FBRSL1: variants seen among roughly 807,000 people sequenced by gnomAD.
FBRSL1 encodes the protein fibrosin-1-like protein.
Under a neutral mutation model 89.6 loss-of-function variants are expected in FBRSL1, and 51 were observed. That is an observed-to-expected ratio of 0.57 (90% CI 0.45 to 0.72). The LOEUF is 0.72. Among genes scored for constraint, FBRSL1 ranks in the 30% least tolerant of loss-of-function variants. The pLI is 0.00. For synonymous variants in FBRSL1, 779 were observed against 681.1 expected (o/e 1.14, Z -2.24); for missense variants, 1,618 against 1,451.8 (o/e 1.11, Z -1.86).
Position 132,581,724 on chromosome 12 carries a change from C to T in FBRSL1, c.1913-17C>T, listed in dbSNP as rs1314238993. 1.7e-5 allele frequency: 26 copies of T among 1,549,638 alleles called. No homozygotes were observed. The highest frequency in any genetic ancestry group is 4.9e-5 in the East Asian group (2 of 40,914). ...CCACGCCTCACAGACCTCTGGGTCC[C>T]GCGGTTGCCCCCACAGACCCTTTCA... On this transcript the variant is annotated splice_polypyrimidine_tract_variant and intron_variant, in intron 16 of 18. Transcript: ENST00000680143.
At chr12:132,493,513 C>G (rs2031464570) in intron 1 of FBRSL1, among the ~76,000 whole-genome samples, 1 of 152,190 alleles carries the variant, frequency 6.6e-6, no homozygotes, top group Non-Finnish European at 1.5e-5. Flanking sequence ...AGCCCTGGCC[C>G]CTGGGGCAGA....
chr12:132,577,289 G>A (rs973124681), intron 15 of FBRSL1, among the ~76,000 whole-genome samples: 32 of 152,230 alleles, frequency 2.1e-4, no homozygotes, highest in African/African-American at 7.5e-4. Flanking sequence ...CCTCCCTGGG[G>A]CTCCCTGTTC....
intron 2 of FBRSL1, among the ~76,000 whole-genome samples, chr12:132,524,716 G>A (rs929908763): frequency 2.6e-5 from 4 of 152,240 alleles, no homozygotes; most frequent in Non-Finnish European, 4.4e-5. Flanking sequence ...TGGCCAGAGA[G>A]GGAGACCGCT....
intron 4 of FBRSL1, among the ~76,000 whole-genome samples, chr12:132,536,443 TGTGA>T (rs2036752020): frequency 6.7e-6 from 1 of 150,240 alleles, no homozygotes; most frequent in Non-Finnish European, 1.5e-5. Flanking sequence ...TGTACATGAC[TGTGA>T]GTGCATGTGT....
intron 16 of FBRSL1, 97 bp downstream of exon 16, chr12:132,581,613 A>G (rs2040754557): frequency 6.7e-7 from 1 of 1,496,122 alleles, no homozygotes; most frequent in Non-Finnish European, 9.1e-7. Context: ...CCCGAGCCCC[A>G]GGGAGCCCCT....
At chr12:132,560,816 C>T (rs1470671167) in intron 5 of FBRSL1, among the ~76,000 whole-genome samples, 1 of 152,244 alleles carries the variant, frequency 6.6e-6, no homozygotes, top group Non-Finnish European at 1.5e-5. Flanking sequence ...TGATCCTCTA[C>T]CCCACGCGGG....
At chr12:132,517,227 A>G (rs1201577655) in intron 2 of FBRSL1, among the ~76,000 whole-genome samples, 1 of 152,122 alleles carries the variant, frequency 6.6e-6, no homozygotes, top group Admixed American at 6.5e-5. Flanking sequence ...GGGCCCTCCT[A>G]CAAACCAAGA....
At chr12:132,522,387 C>T (rs1213093288) in intron 2 of FBRSL1, among the ~76,000 whole-genome samples, 1 of 151,586 alleles carries the variant, frequency 6.6e-6, no homozygotes, top group African/African-American at 2.4e-5. Flanking sequence ...GGGGAGGGGA[C>T]CTTGGGGGAG....
At chr12:132,548,109 C>T (rs1301433355) in intron 5 of FBRSL1, 77 bp downstream of exon 5, 92 of 1,499,650 alleles carry the variant, frequency 6.1e-5, no homozygotes, top group Non-Finnish European at 8.3e-5. Flanking sequence ...GTGAGGTGGG[C>T]CCTGGAGACC....
Position 132,499,704 on chromosome 12 carries a change from C to CT in FBRSL1, c.292-8448dup, listed in dbSNP as rs891723496. On this transcript the variant is annotated intron_variant, in intron 1 of 18. Coordinates refer to ENST00000680143, the MANE Select transcript of FBRSL1 (RefSeq NM_001367871.1). The surrounding 1 kb of genome is among the most constrained non-coding windows in gnomAD (Gnocchi z 4.3). ...GGCTGGAGACAGCTGGGGGCTGTGG[C>CT]TGGGGGGCTGCAGGGCTGGGGGGTG... Among the ~76,000 whole-genome samples, 1 of 147,492 alleles carries CT rather than the reference C, an allele frequency of 6.8e-6. No homozygotes were observed. Among genetic ancestry groups the CT allele is most frequent in the African/African-American group, 2.5e-5 (1 of 39,456 alleles).
At chr12:132,551,536 C>T (rs946964711) in intron 5 of FBRSL1, 1 of 456,326 alleles carries the variant, frequency 2.2e-6, no homozygotes, top group Non-Finnish European at 4.4e-6. Flanking sequence ...CTTCACATCT[C>T]ATCCCACACC....
Position 132,508,023 on chromosome 12 carries a change from T to G in FBRSL1, c.292-130T>G, listed in dbSNP as rs558021629. The G allele has an allele frequency of 1.8e-5, 16 of 908,778 alleles. No individual in the cohort carries two copies. The African/African-American group carries it at 2.6e-4, about 14-fold the overall frequency. 56.3% of individuals were successfully genotyped at this position (908,778 alleles called of 1,614,324 possible). A position where few individuals can be genotyped will look rare whatever the true frequency, so the allele number is the denominator to read the frequency against. On this transcript the variant is annotated intron_variant, in intron 1 of 18. Coordinates refer to ENST00000680143, the MANE Select transcript of FBRSL1 (RefSeq NM_001367871.1). The stretch of plus-strand genomic sequence containing the variant: ...CATCCCCCGTCCCACAGCAGCCATC[T>G]TCCTTTCCCTCTGAGGTGCCCCTCC...
At chr12:132,536,646 C>T (rs537723491) in intron 4 of FBRSL1, among the ~76,000 whole-genome samples, 31 of 149,212 alleles carry the variant, frequency 2.1e-4, no homozygotes, top group Admixed American at 6.7e-4. Flanking sequence ...TGTGAGTGCA[C>T]GTGTACATGA....
intron 1 of FBRSL1, among the ~76,000 whole-genome samples, chr12:132,502,984 C>T (rs1391313781): frequency 1.3e-5 from 2 of 151,854 alleles, no homozygotes; most frequent in Admixed American, 1.3e-4. Context: ...CACCAATGGT[C>T]TGGGTCTCCG....
intron 1 of FBRSL1, chr12:132,507,280 T>G: frequency 6.1e-6 from 6 of 985,584 alleles, no homozygotes; most frequent in Non-Finnish European, 7.2e-6. Context: ...GATTCTGTCC[T>G]TTCGTGGACG....
At chr12:132,555,570 C>T (rs2038568526) in intron 5 of FBRSL1, among the ~76,000 whole-genome samples, 1 of 152,160 alleles carries the variant, frequency 6.6e-6, no homozygotes, top group Non-Finnish European at 1.5e-5. Flanking sequence ...CGAGCGTGAG[C>T]GTGGGGGCCA....
intron 1 of FBRSL1, among the ~76,000 whole-genome samples, chr12:132,495,069 G>A (rs1049490245): frequency 5.3e-5 from 8 of 152,206 alleles, no homozygotes; most frequent in African/African-American, 1.9e-4. Context: ...GCCTGGAGCC[G>A]GTGGGCCTTG....
intron 4 of FBRSL1, among the ~76,000 whole-genome samples, chr12:132,540,880 T>C (rs2037201895): frequency 6.6e-6 from 1 of 152,166 alleles, no homozygotes. Flanking sequence ...CCTTGCTGAG[T>C]AGCCATACAG....
rs940875018 is a variant in FBRSL1, at chr12:132,544,694, TTGG to T, written c.616-3297_616-3295del. Among the ~76,000 whole-genome samples the T allele has an allele frequency of 6.6e-5, 10 of 151,762 alleles. No individual in the cohort carries two copies. In the South Asian group the frequency reaches 8.4e-4, roughly 13 times the overall value. ...CATGGTGGTGGTAATGAGGATGGTGTTGGTGGTGGTGGTGTGAGGATGGTGACG... is the reference window on the plus strand; with the variant it reads ...CATGGTGGTGGTAATGAGGATGGTGTTGGTGGTGGTGTGAGGATGGTGACG... On this transcript the variant is annotated intron_variant, in intron 4 of 18. Coordinates refer to ENST00000680143, the MANE Select transcript of FBRSL1 (RefSeq NM_001367871.1).
Sources: gnomAD v4.1 joint callset for allele counts (sites outside exome capture counted in the v4.1 genomes callset) on GRCh38, gnomAD v4.1.1 for gene constraint, Gnocchi (gnomAD v3.1) non-coding constraint, MANE v1.5 for transcripts, NCBI Gene and HGNC (gene_info 2026-07-23, HGNC 2026-07-21) for gene names.